Variants in SYT1 observed in about 807,000 individuals in gnomAD.
SYT1 encodes the protein synaptotagmin 1, also known as synaptotagmin-1.
Under a neutral mutation model 44.8 loss-of-function variants are expected in SYT1, and 8 were observed. The observed-to-expected ratio is 0.18, with a 90% CI of 0.10 to 0.32. The LOEUF is 0.32. SYT1 is among the 10% of genes least tolerant of loss of function. The probability of loss-of-function intolerance (pLI) is 1.00; values close to 1 mark genes in which losing one functional copy is unlikely to be tolerated. For missense variants in SYT1, 286 were observed against 509.3 expected (o/e 0.56, Z 4.22); for synonymous variants, 154 against 188.8 (o/e 0.82, Z 1.51).
At chr12:78,937,594 ACTT>A (rs572599374) in intron 1 of SYT1, among the ~76,000 whole-genome samples, 225 of 152,272 alleles carry the variant, frequency 1.5e-3, no homozygotes, top group Non-Finnish European at 2.7e-3. Flanking sequence ...ATAAGCAACT[ACTT>A]AAATAGAATA....
intron 1 of SYT1, among the ~76,000 whole-genome samples, chr12:78,887,606 A>C (rs1465037195): frequency 6.6e-6 from 1 of 151,962 alleles, no homozygotes; most frequent in Non-Finnish European, 1.5e-5. Flanking sequence ...GGGGAGCTGG[A>C]ACATATCCCC....
chr12:79,099,657 A>G (rs1878334728), intron 3 of SYT1, among the ~76,000 whole-genome samples: 1 of 148,140 alleles, frequency 6.8e-6, no homozygotes, highest in South Asian at 2.2e-4. Flanking sequence ...CTTTAAAAGA[A>G]TGAGTTTTTT....
intron 1 of SYT1, among the ~76,000 whole-genome samples, chr12:78,876,587 G>T (rs560632395): frequency 7.5e-6 from 1 of 132,954 alleles, no homozygotes; most frequent in African/African-American, 2.8e-5. Flanking sequence ...ACACACACAC[G>T]TATACATATA....
At chr12:79,103,003 C>T (rs1445161218) in intron 3 of SYT1, 1 of 152,072 alleles carries the variant, frequency 6.6e-6, no homozygotes, top group Non-Finnish European at 1.5e-5. Context: ...ATTATTATTG[C>T]CATTTTACAG....
Position 79,227,612 on chromosome 12 carries a change from C to G in SYT1, c.166+9927C>G, listed in dbSNP as rs138517604. Among the ~76,000 whole-genome samples, 125 of 152,264 alleles carry G rather than the reference C, an allele frequency of 8.2e-4. 1 individual carries two copies. The highest frequency in any genetic ancestry group is 2.9e-3 in the African/African-American group (119 of 41,560). On this transcript the variant is annotated intron_variant, in intron 4 of 10. Coordinates refer to ENST00000261205, the MANE Select transcript of SYT1 (RefSeq NM_005639.3). The stretch of plus-strand genomic sequence containing the variant: ...AATTCAGAAATTAAAAATACAAGCT[C>G]TAGCCATAGACTACAAGAGTTCAAA...
chr12:79,276,298 A>G (rs1878716035), intron 4 of SYT1, among the ~76,000 whole-genome samples: 2 of 152,184 alleles, frequency 1.3e-5, no homozygotes, highest in East Asian at 3.8e-4. Flanking sequence ...AAAGTTGGAA[A>G]CCAACATAAA....
intron 9 of SYT1, among the ~76,000 whole-genome samples, chr12:79,427,186 A>G (rs1869502507): frequency 6.6e-6 from 1 of 152,220 alleles, no homozygotes; most frequent in South Asian, 2.1e-4. Flanking sequence ...GTCATGTTCT[A>G]TCCAATCTGG....
At chr12:79,400,559 C>T (rs1885032485) in intron 9 of SYT1, among the ~76,000 whole-genome samples, 1 of 152,120 alleles carries the variant, frequency 6.6e-6, no homozygotes, top group African/African-American at 2.4e-5. Flanking sequence ...GGCAGAAAAA[C>T]ACAAAGGGGA....
intron 3 of SYT1, among the ~76,000 whole-genome samples, chr12:79,064,997 AAAAGG>A (rs1875729493): frequency 6.8e-6 from 1 of 147,256 alleles, no homozygotes; most frequent in African/African-American, 2.5e-5. Context: ...AGAAAGAAAG[AAAAGG>A]AAACCTTTCC....
chr12:78,989,353 A>G (rs1592637979), intron 2 of SYT1, among the ~76,000 whole-genome samples: 1 of 143,770 alleles, frequency 7.0e-6, no homozygotes, highest in Admixed American at 6.7e-5. Flanking sequence ...AATATTATTA[A>G]TATTTGTTAT....
chr12:78,865,570 G>C (rs954200955), intron 1 of SYT1, among the ~76,000 whole-genome samples: 6 of 151,908 alleles, frequency 3.9e-5, no homozygotes, highest in South Asian at 2.1e-4. Flanking sequence ...GATATGGGGG[G>C]GGGGGGGAAC....
At chr12:78,947,029 T>G (rs551292200) in intron 1 of SYT1, among the ~76,000 whole-genome samples, 58 of 152,180 alleles carry the variant, frequency 3.8e-4, no homozygotes, top group Non-Finnish European at 7.6e-4. Context: ...ACCCAAGTTT[T>G]GTTTCCTCAA....
intron 3 of SYT1, among the ~76,000 whole-genome samples, chr12:79,079,193 C>T (rs1237312017): frequency 6.6e-6 from 1 of 152,046 alleles, no homozygotes; most frequent in Non-Finnish European, 1.5e-5. Context: ...AAACTATTGT[C>T]ACAAGTTGGC....
intron 9 of SYT1, among the ~76,000 whole-genome samples, chr12:79,375,674 T>C (rs2136059223): frequency 6.6e-6 from 1 of 152,352 alleles, no homozygotes; most frequent in South Asian, 2.1e-4. Flanking sequence ...TTTGTTATTC[T>C]CTATTCTTGT....
intron 1 of SYT1, among the ~76,000 whole-genome samples, chr12:78,921,401 T>C (rs1017999185): frequency 6.6e-6 from 1 of 151,972 alleles, no homozygotes; most frequent in African/African-American, 2.4e-5. Context: ...AAGCAGTCAG[T>C]AGATGCTAGT....
intron 9 of SYT1, among the ~76,000 whole-genome samples, chr12:79,371,705 C>T (rs1883798061): frequency 6.6e-6 from 1 of 152,338 alleles, no homozygotes; most frequent in South Asian, 2.1e-4. Flanking sequence ...CACTCACATG[C>T]AGCCTGTGAC....
chr12:79,171,616 T>G (rs1871527869), intron 3 of SYT1, among the ~76,000 whole-genome samples: 1 of 151,996 alleles, frequency 6.6e-6, no homozygotes, highest in South Asian at 2.1e-4. Context: ...ATAATTCACT[T>G]ATTCTATTCA....
chr12:79,196,043 G>A (rs890892957), intron 3 of SYT1, among the ~76,000 whole-genome samples: 1 of 152,116 alleles, frequency 6.6e-6, no homozygotes, highest in African/African-American at 2.4e-5. Flanking sequence ...TTAGCTGAAG[G>A]AAATATAGTT....
At chr12:79,070,975 G>A (rs1282195873) in intron 3 of SYT1, among the ~76,000 whole-genome samples, 1 of 152,080 alleles carries the variant, frequency 6.6e-6, no homozygotes, top group South Asian at 2.1e-4. Flanking sequence ...AATAGTCTAC[G>A]CTGTGTGTAC....
Sources: allele counts gnomAD v4.1 joint callset (sites outside exome capture counted in the v4.1 genomes callset), GRCh38; gene constraint gnomAD v4.1.1; transcripts MANE v1.5; gene names NCBI Gene and HGNC (gene_info 2026-07-23, HGNC 2026-07-21).